UNC79: variants seen among roughly 807,000 people sequenced by gnomAD.
The protein encoded by UNC79 is protein unc-79 homolog.
In UNC79, 37 loss-of-function variants were observed where a neutral mutation model predicts 283.1. The observed-to-expected ratio is 0.13, with a 90% CI of 0.10 to 0.17. The LOEUF (loss-of-function observed/expected upper bound fraction) is 0.17. Among genes scored for constraint, UNC79 ranks in the 10% least tolerant of loss-of-function variants. UNC79 has a pLI of 1.00. For missense variants in UNC79, 2,272 were observed against 3,211.1 expected, an observed-to-expected ratio of 0.71 and a Z score of 7.07; for synonymous variants, 1,107 against 1,200.2, an observed-to-expected ratio of 0.92 and a Z score of 1.61.
intron 1 of UNC79, among the ~76,000 whole-genome samples, chr14:93,416,588 G>A (rs200942759): frequency 1.0e-3 from 150 of 143,110 alleles, no homozygotes; most frequent in African/African-American, 1.8e-3. Flanking sequence ...TTAACTTTCT[G>A]TCTCATTGAT....
At chr14:93,371,615 T>G (rs1595398033) in intron 1 of UNC79, among the ~76,000 whole-genome samples, 2 of 151,100 alleles carry the variant, frequency 1.3e-5, no homozygotes. Flanking sequence ...CCGAGGCGGG[T>G]GGATCACGAG....
intron 1 of UNC79, among the ~76,000 whole-genome samples, chr14:93,455,500 T>C (rs1189611244): frequency 6.6e-6 from 1 of 151,986 alleles, no homozygotes; most frequent in African/African-American, 2.4e-5. Flanking sequence ...CGTGTGTCTG[T>C]GTGTGTGTAG....
chr14:93,660,557 ATATATATGTGTGTGTGTG>A (rs1219103570), intron 39 of UNC79, among the ~76,000 whole-genome samples: 7 of 87,776 alleles, frequency 8.0e-5, no homozygotes, highest in African/African-American at 3.6e-4. Flanking sequence ...ATATATATAT[ATATATATGTGTGTGTGTG>A]TGTGTTCATT....
intron 1 of UNC79, among the ~76,000 whole-genome samples, chr14:93,437,006 A>G (rs10747303): frequency 0.69 from 105,453 of 151,864 alleles, 37,026 homozygotes; most frequent in Middle Eastern, 0.77. Context: ...TGGTCTCAGG[A>G]ACTTGGTCTT....
At chr14:93,597,587 C>T (rs1173888178) in intron 24 of UNC79, 47 bp downstream of exon 24, 7 of 1,572,962 alleles carry the variant, frequency 4.5e-6, no homozygotes, top group East Asian at 2.3e-5. Flanking sequence ...TTTGTGTCAG[C>T]ACTACTAAAT....
intron 4 of UNC79, among the ~76,000 whole-genome samples, chr14:93,485,932 A>AT (rs1300687143): frequency 1.3e-5 from 2 of 151,988 alleles, no homozygotes; most frequent in African/African-American, 2.4e-5. Context: ...AATTGTGTTA[A>AT]TTTTTTTTAT....
At chr14:93,694,286 G>T in intron 46 of UNC79, 49 bp from the exon 50 acceptor site, 1 of 1,578,512 alleles carries the variant, frequency 6.3e-7, no homozygotes, top group Non-Finnish European at 8.7e-7. Flanking sequence ...AGTTTGCAAG[G>T]TTTCTATATC....
At chr14:93,414,790 A>G (rs1034252029) in intron 1 of UNC79, among the ~76,000 whole-genome samples, 3 of 152,154 alleles carry the variant, frequency 2.0e-5, no homozygotes, top group Admixed American at 1.3e-4. Flanking sequence ...CTTTGAAGCA[A>G]TTGTGAATGG....
intron 7 of UNC79, among the ~76,000 whole-genome samples, chr14:93,506,442 T>C (rs2059546055): frequency 6.6e-6 from 1 of 152,096 alleles, no homozygotes; most frequent in Non-Finnish European, 1.5e-5. Context: ...AGGCTAGCCT[T>C]GATTGGCAGT....
At chr14:93,370,633 G>A (rs545766113) in intron 1 of UNC79, among the ~76,000 whole-genome samples, 3 of 152,196 alleles carry the variant, frequency 2.0e-5, no homozygotes, top group African/African-American at 7.2e-5. Context: ...TTAGCCAGAC[G>A]TGGTGGTACA....
chr14:93,647,736 T>C (rs1028997630), intron 35 of UNC79, among the ~76,000 whole-genome samples: 1 of 152,208 alleles, frequency 6.6e-6, no homozygotes, highest in African/African-American at 2.4e-5. Flanking sequence ...TTTAACCTGC[T>C]GCATTAGTCC....
chr14:93,594,512 T>G (rs2064920956), intron 23 of UNC79, among the ~76,000 whole-genome samples: 1 of 152,140 alleles, frequency 6.6e-6, no homozygotes, highest in Non-Finnish European at 1.5e-5. Context: ...TCAGGTGATC[T>G]GCCCACCTTG....
At chr14:93,475,497 AT>A (rs2057749251) in intron 3 of UNC79, among the ~76,000 whole-genome samples, 1 of 152,228 alleles carries the variant, frequency 6.6e-6, no homozygotes. Flanking sequence ...ATTCTGTGTT[AT>A]GGTGAATGTA....
chr14:93,495,186 A>G (rs971173353), intron 5 of UNC79, among the ~76,000 whole-genome samples: 19 of 152,332 alleles, frequency 1.2e-4, no homozygotes, highest in African/African-American at 4.6e-4. Flanking sequence ...CACTGCTATA[A>G]AGAACTGCCA....
intron 7 of UNC79, 112 bp from the exon 8 acceptor site, chr14:93,523,865 AG>A: frequency 1.8e-6 from 2 of 1,086,120 alleles, no homozygotes; most frequent in Non-Finnish European, 2.7e-6. Context: ...TCTGTTAGAA[AG>A]CTTTCTGATG....
chr14:93,525,865 C>G (rs1431369250), intron 8 of UNC79, among the ~76,000 whole-genome samples: 1 of 152,150 alleles, frequency 6.6e-6, no homozygotes, highest in Non-Finnish European at 1.5e-5. Context: ...CAGAAAGCAT[C>G]ATGAATTAGA....
intron 41 of UNC79, among the ~76,000 whole-genome samples, chr14:93,673,849 A>G (rs1203959548): frequency 6.6e-6 from 1 of 152,124 alleles, no homozygotes; most frequent in Non-Finnish European, 1.5e-5. Context: ...AGTATGGGTG[A>G]TCCCTGAATC....
At chr14:93,340,509 C>G (rs371789564) in intron 1 of UNC79, among the ~76,000 whole-genome samples, 1 of 146,776 alleles carries the variant, frequency 6.8e-6, no homozygotes. Flanking sequence ...GTGATTAGTA[C>G]GAAAGTAGTT....
chr14:93,530,949 C>A (rs1338285772), intron 10 of UNC79, among the ~76,000 whole-genome samples: 2 of 152,082 alleles, frequency 1.3e-5, no homozygotes, highest in South Asian at 2.1e-4. Context: ...ACAACAACAA[C>A]AAAAAACCTG....
Sources: allele counts gnomAD v4.1 joint callset (sites outside exome capture counted in the v4.1 genomes callset), GRCh38; gene constraint gnomAD v4.1.1; transcripts MANE v1.5; gene names NCBI Gene and HGNC (gene_info 2026-07-23, HGNC 2026-07-21).